Variants in SBF2 observed in about 807,000 individuals in gnomAD.
SBF2 encodes the protein SET binding factor 2.
Under a neutral mutation model 225.2 loss-of-function variants are expected in SBF2, and 112 were observed. The observed-to-expected ratio is 0.50, with a 90% confidence interval of 0.43 to 0.58. The LOEUF (loss-of-function observed/expected upper bound fraction) is 0.58. Ranked by LOEUF, SBF2 falls within the 20% of genes least tolerant of loss-of-function variation. The probability of loss-of-function intolerance (pLI) is 0.00; values close to 1 mark genes in which losing one functional copy is unlikely to be tolerated. For missense variants in SBF2, 1,996 were observed against 2,206.2 expected (o/e 0.90, Z 1.91); for synonymous variants, 763 against 773.3 (o/e 0.99, Z 0.22).
chr11:10,027,790 C>T (rs79371669), intron 6 of SBF2, among the ~76,000 whole-genome samples: 30,538 of 151,926 alleles, frequency 0.2, 3,950 homozygotes, highest in Non-Finnish European at 0.3. Context: ...TAACCATTGC[C>T]GAAAAATTGG....
intron 2 of SBF2, among the ~76,000 whole-genome samples, chr11:10,178,797 G>C (rs1450564517): frequency 6.8e-6 from 1 of 147,612 alleles, no homozygotes; most frequent in Non-Finnish European, 1.5e-5. Context: ...GATTCCTCAG[G>C]GATCTAGAAC....
chr11:9,863,745 CCT>C (rs66774454), intron 17 of SBF2, among the ~76,000 whole-genome samples: 4 of 147,848 alleles, frequency 2.7e-5, no homozygotes, highest in African/African-American at 4.9e-5. Flanking sequence ...TTTGTCCCTC[CCT>C]CTCTCTCTTT....
intron 1 of SBF2, among the ~76,000 whole-genome samples, chr11:10,239,735 TCAAGA>T (rs1279881619): frequency 0.026 from 3,841 of 148,074 alleles, 136 homozygotes; most frequent in South Asian, 0.058. Context: ...ACAACAATGG[TCAAGA>T]GAAAACGCAA....
At position 10,049,001 on chromosome 11, in the gene SBF2, C is replaced by T. The variant is rs577688865; in HGVS notation, c.142-6020G>A. 7.2e-5 allele frequency among the ~76,000 whole-genome samples: 11 copies of T among 152,120 alleles called. No homozygotes were observed. The East Asian group carries it at 1.7e-3, about 24-fold the overall frequency. On this transcript the variant is annotated intron_variant, in intron 2 of 39. Transcript: ENST00000256190. ...GGAGCAGTATATAAAGAAAAGTATC[C>T]GTAATTATCTGAAAAAGCTACTAAA...
intron 1 of SBF2, among the ~76,000 whole-genome samples, chr11:10,228,082 A>C (rs185040319): frequency 0.015 from 2,210 of 151,752 alleles, 24 homozygotes; most frequent in Non-Finnish European, 0.022. Context: ...TCTTTGAAGC[A>C]ATTGTGAATG....
At chr11:10,053,031 G>A (rs1950116662) in intron 2 of SBF2, among the ~76,000 whole-genome samples, 1 of 152,072 alleles carries the variant, frequency 6.6e-6, no homozygotes, top group Non-Finnish European at 1.5e-5. Flanking sequence ...GTGTGTGTGT[G>A]TATTTATCCA....
rs193098521 is a variant in SBF2, at chr11:9,862,099, G to T, written c.1930-3703C>A. On this transcript the variant is annotated intron_variant, in intron 17 of 39. Coordinates refer to ENST00000256190, the MANE Select transcript of SBF2 (RefSeq NM_030962.4). ...AGTGGCAGTAGTCTTAGTAAACAGA[G>T]AAAATAAGTGCCTGCAGATAAAATG... 2.6e-4 allele frequency among the ~76,000 whole-genome samples: 40 copies of T among 152,336 alleles called. 1 individual carries two copies. Among genetic ancestry groups the T allele is most frequent in the South Asian group, 1.7e-3 (8 of 4,824 alleles).
At chr11:10,065,584 A>C (rs541954383) in intron 2 of SBF2, among the ~76,000 whole-genome samples, 1 of 152,346 alleles carries the variant, frequency 6.6e-6, no homozygotes. Flanking sequence ...TAAAAGGATC[A>C]TAAGGGAATA....
intron 19 of SBF2, among the ~76,000 whole-genome samples, chr11:9,855,790 G>A (rs1857272838): frequency 6.6e-6 from 1 of 152,226 alleles, no homozygotes; most frequent in Non-Finnish European, 1.5e-5. Flanking sequence ...TAACATTTGA[G>A]CAGAGACCTA....
chr11:10,163,893 G>A (rs537359233), intron 2 of SBF2, among the ~76,000 whole-genome samples: 13 of 152,142 alleles, frequency 8.5e-5, no homozygotes, highest in Non-Finnish European at 1.8e-4. Context: ...CAACAAGACT[G>A]TTCTAGAGTC....
chr11:10,001,535 T>G, intron 7 of SBF2, among the ~76,000 whole-genome samples: 1 of 152,040 alleles, frequency 6.6e-6, no homozygotes, highest in East Asian at 1.9e-4. Context: ...TAAATTTTTT[T>G]TTTTTTTGAG....
intron 33 of SBF2, among the ~76,000 whole-genome samples, chr11:9,792,089 AG>A (rs1263055977): frequency 2.6e-5 from 4 of 152,224 alleles, no homozygotes; most frequent in Admixed American, 6.5e-5. Flanking sequence ...TTAAGCTTTT[AG>A]GACACAGGAG....
At chr11:10,243,726 A>G (rs1316083068) in intron 1 of SBF2, among the ~76,000 whole-genome samples, 4 of 152,160 alleles carry the variant, frequency 2.6e-5, no homozygotes, top group Non-Finnish European at 4.4e-5. Flanking sequence ...CTAGAAATGT[A>G]TAATCTACCA....
chr11:9,923,779 A>C (rs560148333), intron 16 of SBF2, among the ~76,000 whole-genome samples: 1 of 152,308 alleles, frequency 6.6e-6, no homozygotes, highest in East Asian at 1.9e-4. Flanking sequence ...TAAAAAAAGA[A>C]TCTCTAGTTC....
At position 9,853,600 on chromosome 11, in the gene SBF2, C is replaced by T. The variant is rs1564917788; in HGVS notation, c.2476G>A (p.Val826Ile). 1.9e-6 allele frequency: 3 copies of T among 1,613,980 alleles called. No individual in the cohort carries two copies. The highest frequency in any genetic ancestry group is 2.5e-6 in the Non-Finnish European group (3 of 1,179,944). ...VRFITRFIDK[V>I]CTESGVTQDH... The stretch of plus-strand genomic sequence containing the variant: ...TGAGTAACTCCACTCTCTGTACAAA[C>T]TTTGTCAATAAATCGGGTAATGAAC... Residue 826 changes from valine to isoleucine, a missense_variant, in exon 20 of 40, where the codon GTT (valine) becomes ATT (isoleucine). Coordinates refer to ENST00000256190, the MANE Select transcript of SBF2 (RefSeq NM_030962.4).
At chr11:9,958,480 TC>T (rs1240922304) in intron 16 of SBF2, 2 of 152,256 alleles carry the variant, frequency 1.3e-5, no homozygotes, top group Non-Finnish European at 2.9e-5. Flanking sequence ...TGCCTCAGCC[TC>T]CCGAGTAGCT....
chr11:9,933,148 G>C (rs564347610), intron 16 of SBF2, among the ~76,000 whole-genome samples: 1 of 152,192 alleles, frequency 6.6e-6, no homozygotes, highest in South Asian at 2.1e-4. Context: ...GGAGCACCCA[G>C]ATTCATAAAG....
At chr11:9,854,930 G>T (rs189635401) in intron 19 of SBF2, among the ~76,000 whole-genome samples, 2 of 152,132 alleles carry the variant, frequency 1.3e-5, no homozygotes, top group Admixed American at 1.3e-4. Flanking sequence ...GTTATTGCTT[G>T]TTATAATGAA....
chr11:9,834,743 T>G (rs995229956), intron 26 of SBF2, among the ~76,000 whole-genome samples: 4 of 152,214 alleles, frequency 2.6e-5, no homozygotes, highest in Non-Finnish European at 5.9e-5. Flanking sequence ...CTATCTCCAC[T>G]TGAATATCAG....
Sources: gnomAD v4.1 joint callset for allele counts (sites outside exome capture counted in the v4.1 genomes callset) on GRCh38, gnomAD v4.1.1 for gene constraint, MANE v1.5 for transcripts, NCBI Gene and HGNC (gene_info 2026-07-23, HGNC 2026-07-21) for gene names.